The following NNT variants were observed in gnomAD, a reference collection of about 807,000 sequenced individuals.
The protein encoded by NNT is nicotinamide nucleotide transhydrogenase, also known as NAD(P) transhydrogenase, mitochondrial.
A neutral mutation model predicts 104.8 loss-of-function variants in NNT; 50 were observed. The ratio of observed to expected loss-of-function variants is 0.48; its 90% CI spans 0.38 to 0.60. The LOEUF is 0.60. Ranked by LOEUF, NNT falls within the 20% of genes least tolerant of loss-of-function variation. The pLI, the probability that NNT is intolerant of heterozygous loss-of-function variation, is 0.00. For missense variants in NNT, 1,131 were observed against 1,330.7 expected (o/e 0.85, Z 2.33); for synonymous variants, 461 against 490.4 (o/e 0.94, Z 0.79).
chr5:43,671,302 A>G (rs1458106486), intron 17 of NNT, among the ~76,000 whole-genome samples: 1 of 152,106 alleles, frequency 6.6e-6, no homozygotes, highest in Non-Finnish European at 1.5e-5. Flanking sequence ...TAATATTGTT[A>G]TGTGTGAATT....
intron 21 of NNT, among the ~76,000 whole-genome samples, chr5:43,703,478 C>G (rs910729753): frequency 3.3e-5 from 5 of 152,096 alleles, no homozygotes; most frequent in African/African-American, 1.2e-4. Context: ...AAAATTGTGT[C>G]AGTAGTCAAT....
At chr5:43,668,849 G>C (rs13180670) in intron 17 of NNT, among the ~76,000 whole-genome samples, 5,686 of 152,276 alleles carry the variant, frequency 0.037, 217 homozygotes, top group East Asian at 0.2. Flanking sequence ...GGATGGCATT[G>C]AATCTATAAA....
intron 19 of NNT, among the ~76,000 whole-genome samples, chr5:43,699,653 C>T (rs1462548192): frequency 2.0e-5 from 3 of 152,092 alleles, no homozygotes; most frequent in South Asian, 4.1e-4. Flanking sequence ...CATGCCCAGC[C>T]ATCTCCCTAC....
At chr5:43,611,352 T>C (rs187937797) in intron 2 of NNT, among the ~76,000 whole-genome samples, 182 of 152,342 alleles carry the variant, frequency 1.2e-3, no homozygotes, top group African/African-American at 4.3e-3. Flanking sequence ...AAATTATCTC[T>C]TATTTGGTCA....
chr5:43,647,590 T>C (rs950840819), intron 10 of NNT, among the ~76,000 whole-genome samples: 1 of 152,236 alleles, frequency 6.6e-6, no homozygotes, highest in Non-Finnish European at 1.5e-5. Flanking sequence ...AAGAATGTGA[T>C]TTGCTTTCTC....
chr5:43,608,999 T>C, intron 1 of NNT, 144 bp from the exon 2 acceptor site: 1 of 432,020 alleles, frequency 2.3e-6, no homozygotes, highest in Non-Finnish European at 4.0e-6. Flanking sequence ...GTAAGGAACT[T>C]GGCAAATAAA....
intron 14 of NNT, 121 bp from the exon 15 acceptor site, chr5:43,655,719 G>C: frequency 1.4e-6 from 1 of 713,006 alleles, no homozygotes; most frequent in Non-Finnish European, 2.4e-6. Context: ...TATTTAGCCC[G>C]TACTAGGAAC....
intron 17 of NNT, among the ~76,000 whole-genome samples, chr5:43,673,715 A>G (rs574812987): frequency 6.6e-6 from 1 of 152,274 alleles, no homozygotes; most frequent in East Asian, 1.9e-4. Flanking sequence ...GGGATTGTGA[A>G]CTTAATTAAA....
At chr5:43,695,008 C>T (rs1302464875) in intron 19 of NNT, among the ~76,000 whole-genome samples, 1 of 152,050 alleles carries the variant, frequency 6.6e-6, no homozygotes, top group East Asian at 1.9e-4. Context: ...GAATCAATTT[C>T]TTCCTGGTTC....
chr5:43,650,358 G>C (rs1356345619), intron 11 of NNT, 119 bp from the exon 12 acceptor site: 1 of 653,588 alleles, frequency 1.5e-6, no homozygotes, highest in African/African-American at 1.8e-5. Flanking sequence ...AAGCTGCCTT[G>C]TTTTTTAATA....
intron 17 of NNT, among the ~76,000 whole-genome samples, chr5:43,666,409 G>T (rs1202074335): frequency 6.6e-6 from 1 of 152,182 alleles, no homozygotes; most frequent in Non-Finnish European, 1.5e-5. Flanking sequence ...CGGCCAACAC[G>T]GCGAAACCCC....
At chr5:43,612,807 A>G (rs1055595846) in intron 2 of NNT, 101 bp from the exon 3 acceptor site, 1 of 765,264 alleles carries the variant, frequency 1.3e-6, no homozygotes, top group African/African-American at 1.8e-5. Context: ...TATATTTTGA[A>G]GAAAAGATTG....
At chr5:43,649,348 T>C (rs753308922) in intron 11 of NNT, 40 bp downstream of exon 11, 4 of 1,609,540 alleles carry the variant, frequency 2.5e-6, no homozygotes, top group South Asian at 1.1e-5. Flanking sequence ...CAGGTTTTCA[T>C]AGGGTTACTC....
intron 5 of NNT, among the ~76,000 whole-genome samples, chr5:43,623,458 C>T (rs908443135): frequency 5.3e-5 from 8 of 152,170 alleles, no homozygotes; most frequent in Non-Finnish European, 1.2e-4. Flanking sequence ...ACATTAGTTA[C>T]ATTGCTTCAG....
At position 43,644,268 on chromosome 5, in the gene NNT, T is replaced by C; in HGVS notation, c.1041T>C (p.Ala347=). The change falls in exon 8 of 22, where the codon GCT becomes GCC. Residue 347 remains alanine (A), a synonymous_variant. Coordinates refer to ENST00000344920, the MANE Select transcript of NNT (RefSeq NM_182977.3). ...MKEGSVVVDL[A]AEAGGNFETT... ...AAGGTTCAGTTGTTGTGGATTTAGCTGCTGAGGCTGGTGGAAACTTTGAAA... is the reference window on the plus strand; with the variant it reads ...AAGGTTCAGTTGTTGTGGATTTAGCCGCTGAGGCTGGTGGAAACTTTGAAA... 1 of 1,613,974 alleles carries C rather than the reference T, an allele frequency of 6.2e-7. No homozygotes were observed. The highest frequency in any genetic ancestry group is 1.1e-5 in the South Asian group (1 of 91,058).
intron 19 of NNT, among the ~76,000 whole-genome samples, chr5:43,688,804 A>G (rs989314513): frequency 6.6e-6 from 1 of 152,128 alleles, no homozygotes; most frequent in African/African-American, 2.4e-5. Flanking sequence ...ATTGATGGGC[A>G]TTTGGGCTGG....
intron 16 of NNT, 68 bp downstream of exon 16, chr5:43,656,881 G>A (rs1377622343): frequency 2.8e-6 from 4 of 1,434,688 alleles, no homozygotes; most frequent in East Asian, 2.3e-5. Flanking sequence ...AGATTAAAGT[G>A]TAATCATATT....
At chr5:43,697,700 A>C (rs1263474402) in intron 19 of NNT, among the ~76,000 whole-genome samples, 2 of 152,162 alleles carry the variant, frequency 1.3e-5, no homozygotes, top group Non-Finnish European at 2.9e-5. Flanking sequence ...AAGGAGGAGC[A>C]AGTCACATCT....
chr5:43,653,399 G>T, intron 14 of NNT, 186 bp downstream of exon 14: 1 of 569,148 alleles, frequency 1.8e-6, no homozygotes, highest in Admixed American at 3.1e-5. Context: ...CTGAATAAAT[G>T]CATCAACTGA....
Sources: allele counts gnomAD v4.1 joint callset (sites outside exome capture counted in the v4.1 genomes callset), GRCh38; gene constraint gnomAD v4.1.1; transcripts MANE v1.5; gene names NCBI Gene and HGNC (gene_info 2026-07-23, HGNC 2026-07-21).